Variants in AKAP6 observed in about 807,000 individuals in gnomAD.
The protein encoded by AKAP6 is A-kinase anchoring protein 6, also known as A-kinase anchor protein 6.
Under a neutral mutation model 188.5 loss-of-function variants are expected in AKAP6, and 58 were observed. That is an observed-to-expected ratio of 0.31 (90% CI 0.25 to 0.38). The LOEUF is 0.38. AKAP6 is among the 10% of genes least tolerant of loss of function. The probability of loss-of-function intolerance (pLI) is 1.00; values close to 1 mark genes in which losing one functional copy is unlikely to be tolerated. For synonymous variants in AKAP6, 989 were observed against 998.6 expected (o/e 0.99, Z 0.18); for missense variants, 2,710 against 2,740.0 (o/e 0.99, Z 0.24).
At chr14:32,399,941 A>C (rs1193979480) in intron 1 of AKAP6, among the ~76,000 whole-genome samples, 1 of 152,074 alleles carries the variant, frequency 6.6e-6, no homozygotes, top group Non-Finnish European at 1.5e-5. Context: ...TTAAGGTTGC[A>C]AGCTTTCGTT....
At position 32,483,009 on chromosome 14, in the gene AKAP6, A is replaced by ATGTGTGTGTGTG. The variant is rs1464491636; in HGVS notation, c.324+49193_324+49194insGTGTGTGTGTGT. ...TGTGTGTATATATATATATATATAT[A>ATGTGTGTGTGTG]TATGTATCTTGCATTGGTAATTTTG... On this transcript the variant is annotated intron_variant, in intron 2 of 13. Coordinates refer to ENST00000280979, the MANE Select transcript of AKAP6 (RefSeq NM_004274.5). Among the ~76,000 whole-genome samples the ATGTGTGTGTGTG allele has an allele frequency of 0.023, 3,418 of 150,250 alleles. 281 individuals are homozygous for ATGTGTGTGTGTG. The East Asian group carries it at 0.29, about 13-fold the overall frequency.
In AKAP6 at chr14:32,782,223, A is replaced by G. The variant is rs144107422; in HGVS notation, c.3588+8330A>G. On this transcript the variant is annotated intron_variant, in intron 12 of 13. Coordinates refer to ENST00000280979, the MANE Select transcript of AKAP6 (RefSeq NM_004274.5). ...GGAGGGAGGGAGGAAGGGAAAGAAAAAGAAAGGAAGAAAGGAAGAAAAGAC... is the reference window on the plus strand; with the variant it reads ...GGAGGGAGGGAGGAAGGGAAAGAAAGAGAAAGGAAGAAAGGAAGAAAAGAC... 9.5e-4 allele frequency among the ~76,000 whole-genome samples: 144 copies of G among 151,676 alleles called. 1 individual carries two copies. Among genetic ancestry groups the G allele is most frequent in the African/African-American group, 3.4e-3 (140 of 41,252 alleles).
intron 2 of AKAP6, among the ~76,000 whole-genome samples, chr14:32,453,370 T>C (rs1460073624): frequency 2.0e-5 from 3 of 152,128 alleles, no homozygotes; most frequent in Non-Finnish European, 4.4e-5. Flanking sequence ...TCTAATGATA[T>C]AGTCACGAGG....
chr14:32,551,693 C>G (rs1473611737), intron 4 of AKAP6, among the ~76,000 whole-genome samples: 1 of 151,038 alleles, frequency 6.6e-6, no homozygotes, highest in African/African-American at 2.4e-5. Context: ...GAGTCTTGCT[C>G]TGTCGCCCAG....
chr14:32,379,246 A>G (rs571310568), intron 1 of AKAP6, among the ~76,000 whole-genome samples: 1 of 152,274 alleles, frequency 6.6e-6, no homozygotes. Flanking sequence ...TTTCTTCAGT[A>G]TGAAATTACT....
intron 7 of AKAP6, among the ~76,000 whole-genome samples, chr14:32,620,817 T>C (rs1385666105): frequency 6.6e-6 from 1 of 151,874 alleles, no homozygotes; most frequent in East Asian, 1.9e-4. Flanking sequence ...GCAGTTTTTT[T>C]TTTAATTATT....
intron 9 of AKAP6, among the ~76,000 whole-genome samples, chr14:32,702,397 A>G (rs528020383): frequency 1.6e-3 from 242 of 150,730 alleles, no homozygotes; most frequent in African/African-American, 5.6e-3. Flanking sequence ...ACTTGAATAT[A>G]TTTTTTTTCC....
intron 11 of AKAP6, among the ~76,000 whole-genome samples, chr14:32,759,550 A>G (rs905698659): frequency 4.6e-5 from 7 of 152,196 alleles, no homozygotes; most frequent in African/African-American, 1.7e-4. Flanking sequence ...TGCTATAAAG[A>G]GATACCTGAG....
At chr14:32,745,810 G>C (rs1314121725) in intron 11 of AKAP6, among the ~76,000 whole-genome samples, 1 of 152,116 alleles carries the variant, frequency 6.6e-6, no homozygotes. Flanking sequence ...CAGGAGTCAG[G>C]GACTAGAGTT....
At chr14:32,535,530 A>G (rs1057095458) in intron 2 of AKAP6, 24 bp from the exon 3 acceptor site, 4 of 1,604,414 alleles carry the variant, frequency 2.5e-6, no homozygotes, top group East Asian at 2.2e-5. Flanking sequence ...TAGTCCTCAC[A>G]TATGTTGCTT....
intron 11 of AKAP6, among the ~76,000 whole-genome samples, chr14:32,754,334 A>T (rs978633247): frequency 2.6e-5 from 4 of 152,122 alleles, no homozygotes; most frequent in African/African-American, 9.7e-5. Context: ...ATTTGCATGG[A>T]GTATGCAACT....
At chr14:32,723,585 G>T (rs1955496) in intron 9 of AKAP6, among the ~76,000 whole-genome samples, 18,892 of 151,494 alleles carry the variant, frequency 0.12, 1,355 homozygotes, top group Middle Eastern at 0.21. Flanking sequence ...GTGTGTGTGT[G>T]TGTGTGTATA....
chr14:32,544,807 G>A (rs1179808328), intron 3 of AKAP6, among the ~76,000 whole-genome samples: 4 of 152,070 alleles, frequency 2.6e-5, no homozygotes, highest in Admixed American at 2.0e-4. Flanking sequence ...TAGCCACTGT[G>A]GTAGGTACTG....
At chr14:32,460,110 T>G (rs1364030508) in intron 2 of AKAP6, among the ~76,000 whole-genome samples, 3 of 152,192 alleles carry the variant, frequency 2.0e-5, no homozygotes, top group African/African-American at 7.2e-5. Context: ...GATCTAACTG[T>G]CAATTTCCAG....
At chr14:32,573,431 G>C (rs1033945575) in intron 4 of AKAP6, among the ~76,000 whole-genome samples, 2 of 152,126 alleles carry the variant, frequency 1.3e-5, no homozygotes, top group African/African-American at 4.8e-5. Flanking sequence ...AACAAACTTG[G>C]TTACAGACAG....
At chr14:32,408,924 C>G (rs1423969758) in intron 1 of AKAP6, among the ~76,000 whole-genome samples, 1 of 152,062 alleles carries the variant, frequency 6.6e-6, no homozygotes, top group African/African-American at 2.4e-5. Context: ...GGTGTGGTGG[C>G]TCACCCCTAT....
chr14:32,767,991 C>T (rs924119615), intron 11 of AKAP6, among the ~76,000 whole-genome samples: 2 of 152,206 alleles, frequency 1.3e-5, no homozygotes, highest in African/African-American at 4.8e-5. Flanking sequence ...TTGCCACCAG[C>T]TCTTAAGAAC....
intron 4 of AKAP6, among the ~76,000 whole-genome samples, chr14:32,558,753 C>G (rs1883800970): frequency 6.6e-6 from 1 of 152,222 alleles, no homozygotes; most frequent in African/African-American, 2.4e-5. Context: ...GCTTCTCCCT[C>G]TTGCTCTTCT....
chr14:32,827,559 G>C (rs1052896578), intron 13 of AKAP6, among the ~76,000 whole-genome samples: 1 of 152,132 alleles, frequency 6.6e-6, no homozygotes, highest in African/African-American at 2.4e-5. Flanking sequence ...GTATGCATTT[G>C]CACTGATTTC....
Sources: gnomAD v4.1 joint callset for allele counts (sites outside exome capture counted in the v4.1 genomes callset) on GRCh38, gnomAD v4.1.1 for gene constraint, MANE v1.5 for transcripts, NCBI Gene and HGNC (gene_info 2026-07-23, HGNC 2026-07-21) for gene names.